Variants in DIP2C observed in about 807,000 individuals in gnomAD.
The protein encoded by DIP2C is DIP2 acetate--CoA ligase C (putative).
DIP2C carries 33 observed loss-of-function variants against 192.4 expected under a neutral mutation model. The observed-to-expected ratio is 0.17, with a 90% CI of 0.13 to 0.23. DIP2C has a LOEUF of 0.23. DIP2C is among the 10% of genes least tolerant of loss of function. The pLI is 1.00. For synonymous variants in DIP2C, 979 were observed against 864.1 expected (o/e 1.13, Z -2.33); for missense variants, 1,537 against 2,110.1 (o/e 0.73, Z 5.32).
chr10:611,417 G>A (rs1248893496), intron 1 of DIP2C, among the ~76,000 whole-genome samples: 2 of 152,190 alleles, frequency 1.3e-5, no homozygotes, highest in Admixed American at 6.5e-5. Flanking sequence ...TCTACCCAGC[G>A]GCCATCAAGG....
At position 281,321 on chromosome 10, in the gene DIP2C, G is replaced by A. The variant is rs1265074105; in HGVS notation, c.4297C>T (p.Arg1433Cys). The stretch of plus-strand genomic sequence containing the variant: ...CCTACCACGTAGAGGGCATCATGGC[G>A]CTCTGTGGAGTAATGACAGCCTGCG... Reference protein sequence around the residue: ...RTELTDANGERHDALYVVGAL... With the variant: ...RTELTDANGECHDALYVVGAL... The change falls in exon 36 of 37, where the codon CGC becomes TGC. Residue 1433 changes from arginine (R) to cysteine (C), a missense_variant and splice_region_variant. Arg to Cys is a radical substitution (Grantham distance 180, BLOSUM62 -3). Around this residue, in one of 4 missense-constraint regions of DIP2C, gnomAD observed 341 missense variants for 551.7 expected, o/e 0.62. Coordinates refer to ENST00000280886, the MANE Select transcript of DIP2C (RefSeq NM_014974.3). The A allele has an allele frequency of 3.1e-6, 5 of 1,609,882 alleles. No homozygotes were observed. Among genetic ancestry groups the A allele is most frequent in the East Asian group, 2.2e-5 (1 of 44,746 alleles).
chr10:570,232 A>G (rs1398847085), intron 1 of DIP2C, among the ~76,000 whole-genome samples: 8 of 152,180 alleles, frequency 5.3e-5, no homozygotes, highest in Non-Finnish European at 1.0e-4. Flanking sequence ...GAAGGAAGAC[A>G]CTATGTAGAT....
chr10:599,381 C>A (rs987274288), intron 1 of DIP2C, among the ~76,000 whole-genome samples: 6 of 152,192 alleles, frequency 3.9e-5, no homozygotes, highest in Non-Finnish European at 5.9e-5. Context: ...AGCAAGCAAT[C>A]TCTTTGCAAT....
At chr10:576,811 G>C (rs1850191069) in intron 1 of DIP2C, among the ~76,000 whole-genome samples, 1 of 152,140 alleles carries the variant, frequency 6.6e-6, no homozygotes, top group Non-Finnish European at 1.5e-5. Context: ...GGAAGCTGAA[G>C]CATAAGAATC....
intron 1 of DIP2C, among the ~76,000 whole-genome samples, chr10:515,227 A>T (rs1402594938): frequency 6.6e-6 from 1 of 152,258 alleles, no homozygotes; most frequent in Non-Finnish European, 1.5e-5. Flanking sequence ...GAATCTTTAA[A>T]AATCTTAATA....
intron 23 of DIP2C, among the ~76,000 whole-genome samples, chr10:357,176 G>A (rs150781638): frequency 1.3e-5 from 2 of 152,332 alleles, no homozygotes; most frequent in East Asian, 3.9e-4. Flanking sequence ...GCACACTTTT[G>A]GCTGTGGGAA....
chr10:357,538 C>A (rs1959140536), intron 23 of DIP2C, among the ~76,000 whole-genome samples: 1 of 152,216 alleles, frequency 6.6e-6, no homozygotes, highest in Admixed American at 6.5e-5. Flanking sequence ...TTTTCTGAAA[C>A]TTTGTATCTC....
chr10:437,419 G>A (rs1292607423), intron 4 of DIP2C: 3 of 152,188 alleles, frequency 2.0e-5, no homozygotes. Context: ...GCCCACACCT[G>A]AGCTCTCTCT....
Position 631,489 on chromosome 10 carries a change from G to A in DIP2C, c.85+58005C>T, listed in dbSNP as rs1048197112. Among the ~76,000 whole-genome samples the A allele has an allele frequency of 8.5e-5, 13 of 152,316 alleles. No homozygotes were observed. The East Asian group carries it at 9.6e-4, about 11-fold the overall frequency. On this transcript the variant is annotated intron_variant, in intron 1 of 36. Coordinates refer to ENST00000280886, the MANE Select transcript of DIP2C (RefSeq NM_014974.3). ...TCTGACATGCAGCTAAACACTGGAC[G>A]TGTCACCTGGCGACAGCGGATGATG...
chr10:674,845 G>T (rs954031464), intron 1 of DIP2C, among the ~76,000 whole-genome samples: 60 of 139,332 alleles, frequency 4.3e-4, no homozygotes, highest in African/African-American at 1.5e-3. Context: ...CACAACAATA[G>T]TAGGGGCTTC....
intron 10 of DIP2C, among the ~76,000 whole-genome samples, chr10:391,448 C>T (rs1963449051): frequency 1.3e-5 from 2 of 152,314 alleles, no homozygotes; most frequent in African/African-American, 4.8e-5. Flanking sequence ...TGCTGTGCAG[C>T]CCCACTGGAG....
chr10:426,433 CTG>C (rs1966604142), intron 4 of DIP2C, among the ~76,000 whole-genome samples: 1 of 152,208 alleles, frequency 6.6e-6, no homozygotes, highest in South Asian at 2.1e-4. Context: ...TCTTCCCAAA[CTG>C]TTCCATTAAT....
chr10:383,786 C>T (rs1962601820), intron 16 of DIP2C, among the ~76,000 whole-genome samples: 1 of 152,128 alleles, frequency 6.6e-6, no homozygotes, highest in Admixed American at 6.5e-5. Flanking sequence ...GCTGTGGAGT[C>T]TACAAATGCC....
intron 2 of DIP2C, chr10:484,674 C>T (rs1843865503): frequency 2.1e-6 from 3 of 1,413,944 alleles, no homozygotes; most frequent in Non-Finnish European, 1.9e-6. Flanking sequence ...GACCCTCAGG[C>T]CCCCAAGGCC....
chr10:371,415 C>T (rs1293169330), intron 17 of DIP2C, among the ~76,000 whole-genome samples: 3 of 152,164 alleles, frequency 2.0e-5, no homozygotes, highest in East Asian at 1.9e-4. Context: ...GTTGAGCCAC[C>T]GTAAGCCAGG....
At chr10:439,642 C>A (rs567845023) in intron 4 of DIP2C, among the ~76,000 whole-genome samples, 2 of 152,206 alleles carry the variant, frequency 1.3e-5, no homozygotes, top group East Asian at 3.9e-4. Context: ...CAAAAAACAA[C>A]AAAAACCCCA....
intron 4 of DIP2C, among the ~76,000 whole-genome samples, chr10:439,184 A>G (rs981286750): frequency 6.6e-6 from 1 of 152,074 alleles, no homozygotes. Flanking sequence ...AAATAAAGAA[A>G]AGGAGGAGCC....
At chr10:352,535 T>C (rs185908766) in intron 24 of DIP2C, among the ~76,000 whole-genome samples, 279 of 152,334 alleles carry the variant, frequency 1.8e-3, no homozygotes, top group Middle Eastern at 0.014. Context: ...CCCCTTGAGA[T>C]AGTGCTGTGC....
intron 32 of DIP2C, among the ~76,000 whole-genome samples, chr10:294,478 G>A (rs1274294592): frequency 6.6e-6 from 1 of 151,964 alleles, no homozygotes; most frequent in Non-Finnish European, 1.5e-5. Flanking sequence ...GTGGTGGTGT[G>A]TACCCGCAGT....
Sources: gnomAD v4.1 joint callset for allele counts (sites outside exome capture counted in the v4.1 genomes callset) on GRCh38, gnomAD v4.1.1 for gene constraint, gnomAD v4.1.1 regional missense constraint, MANE v1.5 for transcripts, NCBI Gene and HGNC (gene_info 2026-07-23, HGNC 2026-07-21) for gene names.